Variants in NUP93 observed in about 807,000 individuals in gnomAD.
The protein encoded by NUP93 is nuclear pore complex protein Nup93.
In NUP93, 55 loss-of-function variants were observed where a neutral mutation model predicts 107.8. The observed-to-expected ratio is 0.51, with a 90% confidence interval of 0.41 to 0.64. The LOEUF (loss-of-function observed/expected upper bound fraction) is 0.64, where lower values mean the gene tolerates loss of function less well. Among genes scored for constraint, NUP93 ranks in the 30% least tolerant of loss-of-function variants. The pLI is 0.00. For missense variants in NUP93, 937 were observed against 1,044.7 expected, an observed-to-expected ratio of 0.90 and a Z score of 1.42; for synonymous variants, 390 against 397.5, an observed-to-expected ratio of 0.98 and a Z score of 0.22.
At chr16:56,795,229 G>A (rs1962870523) in intron 3 of NUP93, among the ~76,000 whole-genome samples, 1 of 152,158 alleles carries the variant, frequency 6.6e-6, no homozygotes, top group African/African-American at 2.4e-5. Context: ...GGGAGCATTA[G>A]TCATTGATAA....
intron 21 of NUP93, among the ~76,000 whole-genome samples, chr16:56,843,538 G>T (rs1165307564): frequency 6.6e-6 from 1 of 152,172 alleles, no homozygotes; most frequent in Non-Finnish European, 1.5e-5. Flanking sequence ...GACGTCCTTG[G>T]TTTCATGGTT....
intron 3 of NUP93, among the ~76,000 whole-genome samples, chr16:56,773,238 C>T (rs1355806750): frequency 1.3e-5 from 2 of 152,210 alleles, no homozygotes; most frequent in African/African-American, 2.4e-5. Context: ...CATTTGGTTG[C>T]GTTTCTTGTG....
At chr16:56,768,492 GGC>G (rs1962255683) in intron 3 of NUP93, among the ~76,000 whole-genome samples, 1 of 151,852 alleles carries the variant, frequency 6.6e-6, no homozygotes, top group Non-Finnish European at 1.5e-5. Context: ...GAACCCGGGA[GGC>G]GGAGGTTGTG....
At chr16:56,827,069 A>AAAAAAT (rs1430722800) in intron 8 of NUP93, among the ~76,000 whole-genome samples, 52 of 125,078 alleles carry the variant, frequency 4.2e-4, no homozygotes, top group East Asian at 1.6e-3. Context: ...AAAAAAAAAA[A>AAAAAAT]TTTTGTTGAG....
intron 1 of NUP93, 85 bp downstream of exon 1, chr16:56,730,296 A>C (rs920844443): frequency 6.6e-6 from 1 of 152,134 alleles, no homozygotes; most frequent in Admixed American, 6.6e-5. Context: ...CGCCGTCCCC[A>C]CGCTCGGAAC....
At chr16:56,798,641 G>T (rs1962952303) in intron 4 of NUP93, 103 bp downstream of exon 4, 1 of 925,626 alleles carries the variant, frequency 1.1e-6, no homozygotes, top group African/African-American at 1.6e-5. Flanking sequence ...GCTGATGCAG[G>T]AAGTTCGCTT....
chr16:56,789,502 G>A (rs2144535979), intron 3 of NUP93, among the ~76,000 whole-genome samples: 1 of 152,334 alleles, frequency 6.6e-6, no homozygotes, highest in East Asian at 1.9e-4. Flanking sequence ...ACAGTGCCAT[G>A]TTATATCGCC....
intron 12 of NUP93, among the ~76,000 whole-genome samples, chr16:56,833,004 T>G (rs1273562799): frequency 6.6e-6 from 1 of 152,230 alleles, no homozygotes; most frequent in Non-Finnish European, 1.5e-5. Context: ...AGTAATGTTA[T>G]GAGGTCTAGA....
In NUP93 at chr16:56,778,094, A is replaced by G. The variant is rs146306474; in HGVS notation, c.297+19439A>G. 3.0e-3 allele frequency among the ~76,000 whole-genome samples: 451 copies of G among 152,312 alleles called. 2 individuals are homozygous for G. The highest frequency in any genetic ancestry group is 0.01 in the African/African-American group (427 of 41,566). ...CAAGATCAAACTGTCCAAGCTGTGAAAAGTGACGGACAGACTGAATGAGAG... is the reference window on the plus strand; with the variant it reads ...CAAGATCAAACTGTCCAAGCTGTGAGAAGTGACGGACAGACTGAATGAGAG... On this transcript the variant is annotated intron_variant, in intron 3 of 21. Transcript: ENST00000308159.
intron 18 of NUP93, among the ~76,000 whole-genome samples, chr16:56,838,003 G>A (rs1350163392): frequency 6.6e-6 from 1 of 152,178 alleles, no homozygotes; most frequent in African/African-American, 2.4e-5. Flanking sequence ...TTAATTTTAA[G>A]CATTATGCTC....
At chr16:56,842,681 T>C (rs1964049527) in intron 21 of NUP93, 2 of 441,876 alleles carry the variant, frequency 4.5e-6, no homozygotes, top group African/African-American at 2.0e-5. Context: ...CCCTCCCAAG[T>C]AGCTGGGACT....
Position 56,844,631 on chromosome 16 carries a change from T to A in NUP93, c.*22T>A, listed in dbSNP as rs774966898. ...TTAAGTGCCATGCTTTGTGGGAGTCTGGGTCGGCACACTGTCAGTACATCA... is the reference window on the plus strand; with the variant it reads ...TTAAGTGCCATGCTTTGTGGGAGTCAGGGTCGGCACACTGTCAGTACATCA... On this transcript the variant is annotated 3_prime_UTR_variant, in exon 22 of 22. Coordinates refer to ENST00000308159, the MANE Select transcript of NUP93 (RefSeq NM_014669.5). The A allele has an allele frequency of 1.3e-6, 2 of 1,542,404 alleles. No homozygotes were observed. The highest frequency in any genetic ancestry group is 1.2e-5 in the South Asian group (1 of 85,198).
At chr16:56,830,716 C>T in intron 10 of NUP93, 31 bp downstream of exon 10, 1 of 1,502,520 alleles carries the variant, frequency 6.7e-7, no homozygotes, top group Non-Finnish European at 9.0e-7. Flanking sequence ...CGCCCAGGGG[C>T]AGCCATGCAG....
intron 15 of NUP93, 137 bp from the exon 16 acceptor site, chr16:56,834,597 T>G (rs1353954296): frequency 9.1e-7 from 1 of 1,099,508 alleles, no homozygotes; most frequent in Non-Finnish European, 1.3e-6. Context: ...AATATTTATT[T>G]CAGTCACACT....
At chr16:56,821,318 G>T (rs1212962287) in intron 6 of NUP93, among the ~76,000 whole-genome samples, 186 bp from the exon 7 acceptor site, 1 of 152,158 alleles carries the variant, frequency 6.6e-6, no homozygotes, top group Non-Finnish European at 1.5e-5. Context: ...AGGTGGGGTG[G>T]CAGTTAGCTT....
chr16:56,741,690 G>A (rs909771918), intron 1 of NUP93: 8 of 152,190 alleles, frequency 5.3e-5, no homozygotes, highest in Admixed American at 5.2e-4. Flanking sequence ...GATATAAATA[G>A]CAACATCTGT....
chr16:56,802,230 A>C (rs1963035999), intron 4 of NUP93, among the ~76,000 whole-genome samples: 1 of 152,176 alleles, frequency 6.6e-6, no homozygotes, highest in African/African-American at 2.4e-5. Flanking sequence ...TATGTAGGAA[A>C]GTTTTAGACA....
chr16:56,732,581 A>G (rs115372224), intron 1 of NUP93, among the ~76,000 whole-genome samples: 2,138 of 152,300 alleles, frequency 0.014, 53 homozygotes, highest in African/African-American at 0.048. Context: ...AAGACCGTGC[A>G]GTGTGAACAG....
chr16:56,745,073 AC>A, intron 1 of NUP93, among the ~76,000 whole-genome samples: 1 of 152,332 alleles, frequency 6.6e-6, no homozygotes, highest in South Asian at 2.1e-4. Flanking sequence ...CGCAGAGGTG[AC>A]AGACAGTAAA....
Sources: allele counts gnomAD v4.1 joint callset (sites outside exome capture counted in the v4.1 genomes callset), GRCh38; gene constraint gnomAD v4.1.1; transcripts MANE v1.5; gene names NCBI Gene and HGNC (gene_info 2026-07-23, HGNC 2026-07-21).